Variants in XKR4 observed in about 807,000 individuals in gnomAD.
XKR4 encodes XK related 4.
XKR4 carries 12 observed loss-of-function variants against 53.9 expected under a neutral mutation model. That is an observed-to-expected ratio of 0.22 (90% CI 0.14 to 0.36). XKR4 has a LOEUF of 0.36. Ranked by LOEUF, XKR4 falls within the 10% of genes least tolerant of loss-of-function variation. XKR4 has a pLI of 1.00. For synonymous variants in XKR4, 354 were observed against 362.4 expected, an observed-to-expected ratio of 0.98 and a Z score of 0.26; for missense variants, 799 against 859.5, an observed-to-expected ratio of 0.93 and a Z score of 0.88.
chr8:55,205,531 G>A (rs1260149619), intron 1 of XKR4, among the ~76,000 whole-genome samples: 1 of 152,024 alleles, frequency 6.6e-6, no homozygotes, highest in African/African-American at 2.4e-5. Context: ...ATTTTCTTGG[G>A]GATACTGGCC....
chr8:55,333,076 T>G (rs1803404227), intron 1 of XKR4, among the ~76,000 whole-genome samples: 3 of 152,122 alleles, frequency 2.0e-5, no homozygotes, highest in Non-Finnish European at 4.4e-5. Flanking sequence ...TTTTTAAAAA[T>G]TTTATTTCTT....
At chr8:55,203,425 T>G (rs1247181418) in intron 1 of XKR4, among the ~76,000 whole-genome samples, 1 of 152,200 alleles carries the variant, frequency 6.6e-6, no homozygotes, top group Non-Finnish European at 1.5e-5. Flanking sequence ...GCTATCCCTG[T>G]GTTTCCCAAG....
intron 2 of XKR4, among the ~76,000 whole-genome samples, chr8:55,360,860 G>A (rs900283022): frequency 2.0e-5 from 3 of 152,222 alleles, no homozygotes; most frequent in Non-Finnish European, 4.4e-5. Context: ...CCTTCCTTAT[G>A]TAGTCACTCA....
intron 1 of XKR4, among the ~76,000 whole-genome samples, chr8:55,238,173 C>T (rs1026710934): frequency 3.3e-5 from 5 of 152,020 alleles, no homozygotes; most frequent in African/African-American, 1.2e-4. Context: ...ATAACACAAT[C>T]CAAAAGTAGA....
intron 2 of XKR4, among the ~76,000 whole-genome samples, chr8:55,371,156 A>T (rs1447923979): frequency 1.3e-5 from 2 of 151,232 alleles, no homozygotes; most frequent in Non-Finnish European, 2.9e-5. Flanking sequence ...GGAGTGTAGA[A>T]TCAGGAAAGT....
intron 1 of XKR4, among the ~76,000 whole-genome samples, chr8:55,103,712 T>C (rs1816092399): frequency 1.3e-5 from 2 of 151,828 alleles, no homozygotes; most frequent in South Asian, 4.2e-4. Context: ...TTGGATGGTT[T>C]CTTTTGTTCC....
intron 1 of XKR4, among the ~76,000 whole-genome samples, chr8:55,107,744 C>G (rs1816169635): frequency 6.6e-6 from 1 of 152,114 alleles, no homozygotes; most frequent in South Asian, 2.1e-4. Flanking sequence ...ACACCTTTGA[C>G]TATTAAAAAA....
chr8:55,309,733 G>C (rs1286537775), intron 1 of XKR4, among the ~76,000 whole-genome samples: 1 of 152,180 alleles, frequency 6.6e-6, no homozygotes, highest in Non-Finnish European at 1.5e-5. Flanking sequence ...AGCTGCATGT[G>C]AATCAACAAT....
intron 1 of XKR4, among the ~76,000 whole-genome samples, chr8:55,306,938 G>GA (rs76863433): frequency 0.023 from 2,733 of 119,648 alleles, 58 homozygotes; most frequent in African/African-American, 0.054. Flanking sequence ...TCCATATGCA[G>GA]AAAAAAAAAA....
chr8:55,207,730 A>AGGAAGAGGAAGAG (rs869037113), intron 1 of XKR4, among the ~76,000 whole-genome samples: 1 of 150,012 alleles, frequency 6.7e-6, no homozygotes, highest in Admixed American at 6.6e-5. Context: ...CTCATAAAGA[A>AGGAAGAGGAAGAG]GAGGAGGAAG....
rs150331529 is a variant in XKR4 at position 55,391,245 on chromosome 8, G to A, written c.1006+33368G>A. On this transcript the variant is annotated intron_variant, in intron 2 of 2. Coordinates refer to ENST00000327381, the MANE Select transcript of XKR4 (RefSeq NM_052898.2). ...TTACAGGTGCATTCTTCCCTGGCCC[G>A]GAAACCCTTCTCAGAGTCTACCCTA... is the stretch of plus-strand genomic sequence containing the variant. Among the ~76,000 whole-genome samples the A allele has an allele frequency of 7.4e-3, 1,133 of 152,110 alleles. 8 individuals are homozygous for A. The highest frequency in any genetic ancestry group is 0.017 in the Middle Eastern group (5 of 294).
intron 1 of XKR4, among the ~76,000 whole-genome samples, chr8:55,111,631 C>T (rs1443246593): frequency 6.6e-6 from 1 of 152,182 alleles, no homozygotes; most frequent in African/African-American, 2.4e-5. Context: ...CACATATCTA[C>T]ATATTCGAAA....
rs1806922712 is a variant in XKR4 at position 55,529,681 on chromosome 8, C to G, written c.*5454C>G. ...TGAGCACAGCTTTCAACAACTGCGA[C>G]TTCTGGGAGCCCAGTGACTCTTCCC... On this transcript the variant is annotated 3_prime_UTR_variant, in exon 3 of 3. Coordinates refer to ENST00000327381, the MANE Select transcript of XKR4 (RefSeq NM_052898.2). 2 of 152,338 alleles carry G rather than the reference C, an allele frequency of 1.3e-5. No homozygotes were observed. The highest frequency in any genetic ancestry group is 6.5e-5 in the Admixed American group (1 of 15,294). The allele number at this position is 152,338 out of a possible 1,614,324, so 9.4% of individuals were successfully genotyped here.
intron 1 of XKR4, 67 bp downstream of exon 1, chr8:55,103,361 G>T: frequency 6.6e-7 from 1 of 1,517,790 alleles, no homozygotes; most frequent in Non-Finnish European, 8.8e-7. Context: ...CTTTGCTTTT[G>T]CACGGAAATC....
intron 1 of XKR4, among the ~76,000 whole-genome samples, chr8:55,118,573 C>G (rs182479982): frequency 3.0e-4 from 46 of 152,326 alleles, no homozygotes; most frequent in African/African-American, 1.1e-3. Flanking sequence ...CTCTCAAATG[C>G]ATGCAATTCA....
intron 1 of XKR4, among the ~76,000 whole-genome samples, chr8:55,156,162 G>A (rs184933839): frequency 1.3e-5 from 2 of 152,060 alleles, no homozygotes; most frequent in African/African-American, 2.4e-5. Flanking sequence ...AGGAGCTTCC[G>A]CAGGGAAAAC....
intron 1 of XKR4, among the ~76,000 whole-genome samples, chr8:55,148,179 C>A (rs1179319314): frequency 6.6e-6 from 1 of 152,162 alleles, no homozygotes; most frequent in African/African-American, 2.4e-5. Flanking sequence ...AGGCATATAG[C>A]TTCCTTTTCT....
chr8:55,306,801 G>C (rs1441493265), intron 1 of XKR4, among the ~76,000 whole-genome samples: 1 of 152,118 alleles, frequency 6.6e-6, no homozygotes, highest in Non-Finnish European at 1.5e-5. Flanking sequence ...TTTTGGCAAA[G>C]GTACAAAGGC....
intron 2 of XKR4, among the ~76,000 whole-genome samples, chr8:55,411,687 C>T (rs1293872069): frequency 1.3e-5 from 2 of 152,200 alleles, no homozygotes; most frequent in African/African-American, 4.8e-5. Flanking sequence ...TCCTCCCCTC[C>T]CCTGACAATC....
Sources: gnomAD v4.1 joint callset for allele counts (sites outside exome capture counted in the v4.1 genomes callset) on GRCh38, gnomAD v4.1.1 for gene constraint, MANE v1.5 for transcripts, NCBI Gene and HGNC (gene_info 2026-07-23, HGNC 2026-07-21) for gene names.